Variants in LACTB observed in about 807,000 individuals in gnomAD.
The protein encoded by LACTB is lactamase beta.
LACTB carries 35 observed loss-of-function variants against 50.2 expected under a neutral mutation model. The ratio of observed to expected loss-of-function variants is 0.70; its 90% CI spans 0.53 to 0.92. LACTB has a LOEUF of 0.92. Ranked by LOEUF, LACTB falls within the 40% of genes least tolerant of loss-of-function variation. The probability of loss-of-function intolerance (pLI) is 0.00; values close to 1 mark genes in which losing one functional copy is unlikely to be tolerated. For missense variants in LACTB, 664 were observed against 691.8 expected, an observed-to-expected ratio of 0.96 and a Z score of 0.45; for synonymous variants, 252 against 268.2, an observed-to-expected ratio of 0.94 and a Z score of 0.59.
intron 3 of LACTB, 142 bp downstream of exon 3, chr15:63,127,191 C>A: frequency 1.1e-6 from 1 of 909,080 alleles, no homozygotes; most frequent in Non-Finnish European, 1.6e-6. Flanking sequence ...AGATGATAAT[C>A]AGGTAGGTAT....
chr15:63,124,246 TTA>T (rs2037018792), intron 2 of LACTB, among the ~76,000 whole-genome samples: 1 of 152,190 alleles, frequency 6.6e-6, no homozygotes, highest in South Asian at 2.1e-4. Flanking sequence ...TTGGCTATGA[TTA>T]TAGAGCAAGG....
At chr15:63,131,327 T>C (rs890762018) in intron 5 of LACTB, 2 of 152,234 alleles carry the variant, frequency 1.3e-5, no homozygotes, top group Admixed American at 6.5e-5. Flanking sequence ...TCTTATTTAT[T>C]TATTCATACC....
intron 2 of LACTB, among the ~76,000 whole-genome samples, chr15:63,124,075 C>T (rs541588223): frequency 2.0e-5 from 3 of 152,284 alleles, no homozygotes; most frequent in African/African-American, 7.2e-5. Context: ...GACCACGGTC[C>T]GGCTGGCAAC....
chr15:63,139,428 G>A (rs1166186103), intron 5 of LACTB, among the ~76,000 whole-genome samples: 11 of 150,476 alleles, frequency 7.3e-5, no homozygotes, highest in African/African-American at 7.3e-5. Context: ...CAAGGTGGGC[G>A]GATCACCTGA....
intron 5 of LACTB, among the ~76,000 whole-genome samples, chr15:63,136,042 C>CT (rs55680025): frequency 1.1e-3 from 147 of 132,574 alleles, no homozygotes; most frequent in Admixed American, 2.2e-3. Context: ...ATTTTCTTTT[C>CT]TTTTTTTTTT....
At position 63,141,333 on chromosome 15, in the gene LACTB, A is replaced by G; in HGVS notation, c.1172A>G (p.Asn391Ser). Reference sequence around the variant, plus strand: ...CTTGTCAACACACCTTACGTGGATAACTCCTATAAATGGGCTGGTGGTGGA... The same window carrying G: ...CTTGTCAACACACCTTACGTGGATAGCTCCTATAAATGGGCTGGTGGTGGA... ...KRLVNTPYVD[N>S]SYKWAGGGFL... The change falls in exon 6 of 6, where the codon AAC becomes AGC. Residue 391 changes from asparagine to serine, a missense_variant. Transcript: ENST00000261893. 6.2e-7 allele frequency: 1 copy of G among 1,614,130 alleles called. No homozygotes were observed. The highest frequency in any genetic ancestry group is 8.5e-7 in the Non-Finnish European group (1 of 1,179,994).
At position 63,127,472 on chromosome 15, in the gene LACTB, T is replaced by C; in HGVS notation, c.735T>C (p.Asn245=). ...AYKALKMMKE[N]VAFEQEKEGK... ...AAGCCTTGAAGATGATGAAAGAGAA[T>C]GTTGCATTTGAGCAAGAAAAAGAAG... is the stretch of plus-strand genomic sequence containing the variant. Residue 245 remains asparagine (N), a synonymous_variant, in exon 4 of 6, where the codon AAT becomes AAC. Transcript: ENST00000261893. The C allele has an allele frequency of 6.2e-7, 1 of 1,613,064 alleles. No individual in the cohort carries two copies. The highest frequency in any genetic ancestry group is 8.5e-7 in the Non-Finnish European group (1 of 1,179,306).
intron 5 of LACTB, among the ~76,000 whole-genome samples, chr15:63,138,796 T>C (rs914050616): frequency 3.9e-5 from 6 of 152,086 alleles, no homozygotes; most frequent in African/African-American, 1.4e-4. Context: ...TCCTAGCACT[T>C]TGGGAAACCA....
At chr15:63,122,848 C>A in intron 2 of LACTB, 146 bp downstream of exon 2, 1 of 644,788 alleles carries the variant, frequency 1.6e-6, no homozygotes, top group Non-Finnish European at 2.7e-6. Context: ...AATAAAGAGT[C>A]AGGTGTTTTT....
chr15:63,140,391 C>T (rs1275368612), intron 5 of LACTB, among the ~76,000 whole-genome samples: 1 of 152,092 alleles, frequency 6.6e-6, no homozygotes, highest in Non-Finnish European at 1.5e-5. Flanking sequence ...TGGAGAGAAA[C>T]ATGACAGACA....
intron 5 of LACTB, chr15:63,131,213 A>G (rs2037128912): frequency 6.6e-6 from 1 of 152,134 alleles, no homozygotes; most frequent in Admixed American, 6.6e-5. Context: ...AATCTCTTGA[A>G]CCCAGGAGGC....
chr15:63,135,302 T>C (rs976538885), intron 5 of LACTB, among the ~76,000 whole-genome samples: 1 of 152,202 alleles, frequency 6.6e-6, no homozygotes, highest in Non-Finnish European at 1.5e-5. Flanking sequence ...GCAAATCAGT[T>C]TGTGGCCTAA....
At position 63,138,922 on chromosome 15, in the gene LACTB, C is replaced by G. The variant is rs8039056; in HGVS notation, c.1119-2358C>G. 8.4e-3 allele frequency among the ~76,000 whole-genome samples: 1,265 copies of G among 151,248 alleles called. 16 individuals carry two copies. Among genetic ancestry groups the G allele is most frequent in the African/African-American group, 0.029 (1,200 of 41,136 alleles). On this transcript the variant is annotated intron_variant, in intron 5 of 5. Transcript: ENST00000261893. ...ATTAGCTGTGCGTGGTGGTGGGCGC[C>G]TGTAATCCCAGCTACTCAGGAGGCT... is the stretch of plus-strand genomic sequence containing the variant.
chr15:63,132,374 G>T (rs1356044092), intron 5 of LACTB, among the ~76,000 whole-genome samples: 1 of 152,092 alleles, frequency 6.6e-6, no homozygotes, highest in Non-Finnish European at 1.5e-5. Context: ...TTGCTGCAAA[G>T]GACATGATTT....
chr15:63,139,194 C>CAAAAA (rs57605763), intron 5 of LACTB, among the ~76,000 whole-genome samples: 2 of 17,144 alleles, frequency 1.2e-4, no homozygotes, highest in Middle Eastern at 0.025. Context: ...ACTAAAAATC[C>CAAAAA]AAAAAAAAAA....
rs748363340 is a variant in LACTB at position 63,127,539 on chromosome 15, G to A, written c.802G>A (p.Glu268Lys). 6.2e-7 allele frequency: 1 copy of A among 1,613,922 alleles called. No homozygotes were observed. Among genetic ancestry groups the A allele is most frequent in the Non-Finnish European group, 8.5e-7 (1 of 1,179,932 alleles). ...GAATGATTTTACTAAATTTAAAACA[G>A]AGCAGGAGAATGAAGCCAAATGCCG... ...EKNDFTKFKT[E>K]QENEAKCRNS... is the part of the protein sequence containing the mutation. The change falls in exon 4 of 6, where the codon GAG becomes AAG. Residue 268 changes from glutamate to lysine, a missense_variant. By Grantham distance (56) the Glu-to-Lys change is moderately conservative. Coordinates refer to ENST00000261893, the MANE Select transcript of LACTB (RefSeq NM_032857.5).
intron 1 of LACTB, 54 bp from the exon 2 acceptor site, chr15:63,122,582 G>C: frequency 7.2e-7 from 1 of 1,396,620 alleles, no homozygotes; most frequent in Non-Finnish European, 1.0e-6. Flanking sequence ...CGAGGAGAGC[G>C]CTGGGCTTTT....
chr15:63,138,303 C>T (rs72747067), intron 5 of LACTB, among the ~76,000 whole-genome samples: 29,157 of 151,948 alleles, frequency 0.19, 3,105 homozygotes, highest in Admixed American at 0.33. Context: ...CCTGTCCCCC[C>T]ACCCTTGAAA....
At chr15:63,127,767 C>T (rs1254713446) in intron 4 of LACTB, 78 bp downstream of exon 4, 2 of 980,910 alleles carry the variant, frequency 2.0e-6, no homozygotes, top group Non-Finnish European at 3.0e-6. Context: ...ATGATACCAT[C>T]CGGAGTGCAT....
Sources: gnomAD v4.1 joint callset for allele counts (sites outside exome capture counted in the v4.1 genomes callset) on GRCh38, gnomAD v4.1.1 for gene constraint, MANE v1.5 for transcripts, NCBI Gene and HGNC (gene_info 2026-07-23, HGNC 2026-07-21) for gene names.